Variants in DNAAF9 observed in about 807,000 individuals in gnomAD.
DNAAF9 encodes the protein dynein axonemal assembly factor 9.
A neutral mutation model predicts 167.0 loss-of-function variants in DNAAF9; 90 were observed. That is an observed-to-expected ratio of 0.54 (90% CI 0.45 to 0.64). DNAAF9 has a LOEUF of 0.64. Ranked by LOEUF, DNAAF9 falls within the 30% of genes least tolerant of loss-of-function variation. The pLI, the probability that DNAAF9 is intolerant of heterozygous loss-of-function variation, is 0.00. For synonymous variants in DNAAF9, 491 were observed against 508.8 expected (o/e 0.96, Z 0.47); for missense variants, 1,315 against 1,442.2 (o/e 0.91, Z 1.43).
At position 3,315,862 on chromosome 20, in the gene DNAAF9, A is replaced by G; in HGVS notation, c.1540-77T>C. On this transcript the variant is annotated intron_variant, in intron 18 of 36. Coordinates refer to ENST00000252032, the MANE Select transcript of DNAAF9 (RefSeq NM_001009984.3). This position sits in a 1 kb window ranked among gnomAD's most constrained non-coding sequence, Gnocchi z 4.1. ...CTGCTAGGTCTCCCCACTGTGTTCA[A>G]ATATTTCCAGGACACTGGCTGGACA... is the stretch of plus-strand genomic sequence containing the variant. 9.2e-7 allele frequency: 1 copy of G among 1,089,980 alleles called. No individual in the cohort carries two copies. The highest frequency in any genetic ancestry group is 1.2e-5 in the South Asian group (1 of 80,438). 67.5% of individuals were successfully genotyped at this position (1,089,980 alleles called of 1,614,324 possible).
chr20:3,271,709 C>T lies in DNAAF9; in HGVS notation c.2651-1147G>A, dbSNP rs148004164. ...CAATCTCAGCTCACTACAGTCTCCA[C>T]CTCCCATGTTCAAGTAATTCTCCTG... On this transcript the variant is annotated intron_variant, in intron 29 of 36. Coordinates refer to ENST00000252032, the MANE Select transcript of DNAAF9 (RefSeq NM_001009984.3). 4.6e-4 allele frequency among the ~76,000 whole-genome samples: 70 copies of T among 151,782 alleles called. 1 individual carries two copies. The highest frequency in any genetic ancestry group is 3.4e-3 in the Middle Eastern group (1 of 294).
At chr20:3,355,181 C>CT (rs34267067) in intron 7 of DNAAF9, among the ~76,000 whole-genome samples, 1 of 152,320 alleles carries the variant, frequency 6.6e-6, no homozygotes, top group Non-Finnish European at 1.5e-5. Context: ...TGCATTTTCA[C>CT]TTTTTTTCAT....
chr20:3,342,230 CAG>C (rs2070100835), intron 9 of DNAAF9, among the ~76,000 whole-genome samples: 1 of 152,142 alleles, frequency 6.6e-6, no homozygotes, highest in Non-Finnish European at 1.5e-5. Context: ...GTTCTTGTCT[CAG>C]GGTCTCTGCT....
chr20:3,394,953 T>C (rs1041296661), intron 1 of DNAAF9, among the ~76,000 whole-genome samples: 1 of 24,498 alleles, frequency 4.1e-5, no homozygotes, highest in Non-Finnish European at 7.5e-5. Flanking sequence ...TTTTTTCTTT[T>C]TTTTTTTTTT....
At chr20:3,322,325 T>C (rs2069630817) in intron 15 of DNAAF9, 63 bp from the exon 16 acceptor site, 1 of 1,318,096 alleles carries the variant, frequency 7.6e-7, no homozygotes, top group East Asian at 2.3e-5. Context: ...AAATTTACAG[T>C]GTTTGCTTTT....
intron 13 of DNAAF9, among the ~76,000 whole-genome samples, chr20:3,325,450 C>T (rs530435783): frequency 6.6e-6 from 1 of 152,162 alleles, no homozygotes; most frequent in South Asian, 2.1e-4. Flanking sequence ...TTTGGATAAG[C>T]CTTCTGCATG....
chr20:3,374,010 G>A (rs770215873), intron 6 of DNAAF9, 38 bp downstream of exon 6: 5 of 1,311,866 alleles, frequency 3.8e-6, no homozygotes, highest in Non-Finnish European at 1.1e-6. Flanking sequence ...ACAGCCCAGT[G>A]GCAGACAAAA....
At chr20:3,260,870 G>A (rs1381205901) in intron 31 of DNAAF9, among the ~76,000 whole-genome samples, 1 of 152,174 alleles carries the variant, frequency 6.6e-6, no homozygotes, top group East Asian at 1.9e-4. Flanking sequence ...GGCCTCAAGT[G>A]ATCTGCCCAC....
At chr20:3,259,780 A>G (rs1339804310) in intron 32 of DNAAF9, 142 bp downstream of exon 32, 2 of 673,940 alleles carry the variant, frequency 3.0e-6, no homozygotes, top group South Asian at 1.8e-5. Flanking sequence ...ACCACCCACA[A>G]TCCTCAAATC....
At chr20:3,406,665 C>G (rs1032647139) in intron 1 of DNAAF9, among the ~76,000 whole-genome samples, 1 of 152,216 alleles carries the variant, frequency 6.6e-6, no homozygotes. Context: ...CCCACGATCA[C>G]CCCCTCCCCA....
intron 6 of DNAAF9, among the ~76,000 whole-genome samples, chr20:3,368,208 C>T (rs1467392506): frequency 6.6e-6 from 1 of 152,168 alleles, no homozygotes; most frequent in Non-Finnish European, 1.5e-5. Flanking sequence ...CCCGCAGACT[C>T]CCAGCTGCAT....
chr20:3,341,998 T>G (rs6051766), intron 9 of DNAAF9, among the ~76,000 whole-genome samples: 1 of 151,896 alleles, frequency 6.6e-6, no homozygotes, highest in Non-Finnish European at 1.5e-5. Context: ...AGGATGGTCT[T>G]GATCTCCTGA....
chr20:3,294,104 T>G, intron 25 of DNAAF9, 35 bp downstream of exon 25: 1 of 1,171,572 alleles, frequency 8.5e-7, no homozygotes, highest in Non-Finnish European at 1.3e-6. Context: ...ATCATCTTCC[T>G]GTGAATTCCC....
chr20:3,362,930 A>T (rs2083382107), intron 6 of DNAAF9, among the ~76,000 whole-genome samples: 1 of 152,146 alleles, frequency 6.6e-6, no homozygotes, highest in Non-Finnish European at 1.5e-5. Flanking sequence ...TCCAACAGCT[A>T]AGAAAGGATT....
intron 27 of DNAAF9, among the ~76,000 whole-genome samples, chr20:3,285,455 G>A (rs550896312): frequency 6.6e-6 from 1 of 152,248 alleles, no homozygotes; most frequent in East Asian, 1.9e-4. Context: ...AAGGCAGGCG[G>A]ATCACTTGAG....
intron 7 of DNAAF9, among the ~76,000 whole-genome samples, chr20:3,350,732 TATTCTGTTAAAATAAG>T (rs1393860534): frequency 6.6e-6 from 1 of 152,206 alleles, no homozygotes; most frequent in Non-Finnish European, 1.5e-5. Context: ...GGACTATTAG[TATTCTGTTAAAATAAG>T]ATTCTGTTAA....
At chr20:3,405,092 G>A (rs924956618) in intron 1 of DNAAF9, among the ~76,000 whole-genome samples, 3 of 152,186 alleles carry the variant, frequency 2.0e-5, no homozygotes, top group African/African-American at 7.2e-5. Context: ...CTGACCAAAA[G>A]CAACTCTTAA....
chr20:3,259,663 T>TA (rs2068346137), intron 32 of DNAAF9, 109 bp from the exon 33 acceptor site: 1 of 778,052 alleles, frequency 1.3e-6, no homozygotes, highest in South Asian at 1.5e-5. Context: ...CACCAGGGTC[T>TA]AGGGTTCACA....
At chr20:3,354,004 T>C (rs6139092) in intron 7 of DNAAF9, among the ~76,000 whole-genome samples, 33,077 of 152,114 alleles carry the variant, frequency 0.22, 3,850 homozygotes, top group African/African-American at 0.27. Flanking sequence ...GCAATGACTC[T>C]TATTAAAAAT....
Sources: allele counts gnomAD v4.1 joint callset (sites outside exome capture counted in the v4.1 genomes callset), GRCh38; gene constraint gnomAD v4.1.1; non-coding constraint Gnocchi (gnomAD v3.1); transcripts MANE v1.5; gene names NCBI Gene and HGNC (gene_info 2026-07-23, HGNC 2026-07-21).